The following MEI4 variants were observed in gnomAD, a reference collection of about 807,000 sequenced individuals.
MEI4 encodes meiotic double-stranded break formation protein 4, also known as meiosis-specific protein MEI4.
MEI4 carries 27 observed loss-of-function variants against 31.4 expected under a neutral mutation model. That is an observed-to-expected ratio of 0.86 (90% CI 0.63 to 1.19). MEI4 has a LOEUF of 1.19. MEI4 is among the 50% of genes most tolerant of loss of function. MEI4 has a pLI of 0.00. For synonymous variants in MEI4, 122 were observed against 145.4 expected (o/e 0.84, Z 1.16); for missense variants, 329 against 398.9 (o/e 0.82, Z 1.49).
In MEI4 at chr6:77,913,006, C is replaced by A. The variant is rs192498527; in HGVS notation, c.901-10083C>A. ...TTCCTTCTATGACTAGTTTATTGAA[C>A]TTTCCCATTATGAAAAGATGTTGAA... On this transcript the variant is annotated intron_variant, in intron 4 of 4. Transcript: ENST00000684080. Among the ~76,000 whole-genome samples the A allele has an allele frequency of 2.4e-4, 36 of 152,132 alleles. No homozygotes were observed. The East Asian group carries it at 6.8e-3, about 29-fold the overall frequency.
intron 4 of MEI4, among the ~76,000 whole-genome samples, chr6:77,905,654 G>A (rs1286876468): frequency 2.0e-5 from 3 of 151,702 alleles, no homozygotes; most frequent in East Asian, 1.9e-4. Flanking sequence ...GTGCCAGCAT[G>A]CCTAGCTAAT....
intron 2 of MEI4, among the ~76,000 whole-genome samples, chr6:77,732,654 C>T (rs181943315): frequency 3.6e-4 from 55 of 152,056 alleles, no homozygotes; most frequent in African/African-American, 7.2e-4. Flanking sequence ...GCCAAGACTT[C>T]CAACACTATG....
At position 77,690,854 on chromosome 6, in the gene MEI4, A is replaced by G; in HGVS notation, c.183A>G (p.Leu61=). Reference sequence around the variant, plus strand: ...TCTTGGAAGCTGAAGTTATGCAATTACGTCAAAAACTTCTTGTGAGCAGGC... The same window carrying G: ...TCTTGGAAGCTGAAGTTATGCAATTGCGTCAAAAACTTCTTGTGAGCAGGC... ...VEILEAEVMQ[L]RQKLLVSRLC... is the part of the protein sequence containing the mutation. Residue 61 remains leucine (L), a synonymous_variant, in exon 2 of 5, where the codon TTA becomes TTG. Transcript: ENST00000684080. 1 of 1,231,434 alleles carries G rather than the reference A, an allele frequency of 8.1e-7. No individual in the cohort carries two copies. Among genetic ancestry groups the G allele is most frequent in the Non-Finnish European group, 1.0e-6 (1 of 987,362 alleles). The allele number at this position is 1,231,434 out of a possible 1,614,324, so 76.3% of individuals were successfully genotyped here.
At chr6:77,863,921 A>C (rs1770943065) in intron 4 of MEI4, among the ~76,000 whole-genome samples, 1 of 152,228 alleles carries the variant, frequency 6.6e-6, no homozygotes, top group African/African-American at 2.4e-5. Flanking sequence ...GTGGGGGCCA[A>C]TATTCAACAT....
chr6:77,711,939 A>G (rs1360136029), intron 2 of MEI4, among the ~76,000 whole-genome samples: 1 of 152,220 alleles, frequency 6.6e-6, no homozygotes, highest in Non-Finnish European at 1.5e-5. Context: ...TATGGTGTTA[A>G]GAGTCCTTAA....
intron 4 of MEI4, among the ~76,000 whole-genome samples, chr6:77,846,824 T>C (rs1770498385): frequency 6.6e-6 from 1 of 152,166 alleles, no homozygotes; most frequent in Non-Finnish European, 1.5e-5. Flanking sequence ...CATTGACAGT[T>C]CAAGGGCCTT....
rs1771230755 is a variant in MEI4, at chr6:77,872,816, T to G, written c.900+43754T>G. 2.0e-5 allele frequency among the ~76,000 whole-genome samples: 3 copies of G among 147,786 alleles called. No individual in the cohort carries two copies. In the South Asian group the frequency reaches 6.6e-4, roughly 32 times the overall value. On this transcript the variant is annotated intron_variant, in intron 4 of 4. Coordinates refer to ENST00000684080, the MANE Select transcript of MEI4 (RefSeq NM_001322247.2). ...TCATTGTTCAATTCCCACCTATGAG[T>G]GAGAACATGTGGTGTTTGGTTTTTT... is the stretch of plus-strand genomic sequence containing the variant.
chr6:77,835,771 C>G (rs1481279484), intron 4 of MEI4, among the ~76,000 whole-genome samples: 1 of 151,732 alleles, frequency 6.6e-6, no homozygotes, highest in Admixed American at 6.6e-5. Flanking sequence ...ACATAAATTT[C>G]TATTTTAAAA....
intron 3 of MEI4, among the ~76,000 whole-genome samples, chr6:77,780,535 G>T (rs1362241248): frequency 6.6e-6 from 1 of 152,118 alleles, no homozygotes; most frequent in Non-Finnish European, 1.5e-5. Flanking sequence ...CATGCAGCCT[G>T]GGTCTGCAGG....
At chr6:77,861,866 C>T (rs1326756825) in intron 4 of MEI4, among the ~76,000 whole-genome samples, 1 of 152,098 alleles carries the variant, frequency 6.6e-6, no homozygotes, top group Non-Finnish European at 1.5e-5. Context: ...TGTTGTTATT[C>T]TTACTGGTAG....
chr6:77,735,889 G>A (rs918196096), intron 2 of MEI4, among the ~76,000 whole-genome samples: 25 of 151,084 alleles, frequency 1.7e-4, no homozygotes, highest in Middle Eastern at 3.4e-3. Context: ...TGGAGTACCC[G>A]GCCGTGTGAG....
chr6:77,835,910 A>G (rs1488593694), intron 4 of MEI4, among the ~76,000 whole-genome samples: 1 of 152,120 alleles, frequency 6.6e-6, no homozygotes, highest in Non-Finnish European at 1.5e-5. Flanking sequence ...GAAGTATCTG[A>G]GAAGGAGAGC....
chr6:77,694,295 G>T (rs929489953), intron 2 of MEI4, among the ~76,000 whole-genome samples: 1 of 151,404 alleles, frequency 6.6e-6, no homozygotes, highest in Non-Finnish European at 1.5e-5. Context: ...AAGTTTTAGG[G>T]TACATGTGCA....
At chr6:77,882,756 A>G (rs2127729118) in intron 4 of MEI4, among the ~76,000 whole-genome samples, 1 of 152,294 alleles carries the variant, frequency 6.6e-6, no homozygotes, top group East Asian at 1.9e-4. Context: ...TTTTCGTTGT[A>G]GTATTAAATA....
intron 4 of MEI4, among the ~76,000 whole-genome samples, chr6:77,904,572 T>A (rs903903526): frequency 6.6e-6 from 1 of 152,150 alleles, no homozygotes; most frequent in African/African-American, 2.4e-5. Context: ...TTTGGTTTTC[T>A]GTTTCTATTT....
At chr6:77,826,998 T>G (rs1769968085) in intron 3 of MEI4, among the ~76,000 whole-genome samples, 1 of 152,136 alleles carries the variant, frequency 6.6e-6, no homozygotes, top group African/African-American at 2.4e-5. Context: ...TTGGGAATGC[T>G]ACATTTACAG....
chr6:77,805,653 A>G (rs561559628), intron 3 of MEI4, among the ~76,000 whole-genome samples: 6 of 152,232 alleles, frequency 3.9e-5, no homozygotes, highest in Middle Eastern at 6.8e-3. Flanking sequence ...AATAAGCTTC[A>G]AACACCTTAC....
intron 3 of MEI4, among the ~76,000 whole-genome samples, chr6:77,781,346 A>C (rs1049974380): frequency 6.6e-6 from 1 of 152,146 alleles, no homozygotes; most frequent in Non-Finnish European, 1.5e-5. Context: ...CGACCTGTCT[A>C]TATCAGTGCA....
chr6:77,908,575 G>A (rs1766354102), intron 4 of MEI4, among the ~76,000 whole-genome samples: 1 of 152,064 alleles, frequency 6.6e-6, no homozygotes, highest in African/African-American at 2.4e-5. Flanking sequence ...TTGAAGTCAG[G>A]TAGCATGATG....
Sources: gnomAD v4.1 joint callset for allele counts (sites outside exome capture counted in the v4.1 genomes callset) on GRCh38, gnomAD v4.1.1 for gene constraint, MANE v1.5 for transcripts, NCBI Gene and HGNC (gene_info 2026-07-23, HGNC 2026-07-21) for gene names.